The following RBFOX1 variants were observed in gnomAD, a reference collection of about 807,000 sequenced individuals.
RBFOX1 encodes the protein RNA binding protein fox-1 homolog 1.
Under a neutral mutation model 57.7 loss-of-function variants are expected in RBFOX1, and 8 were observed. The ratio of observed to expected loss-of-function variants is 0.14; its 90% CI spans 0.08 to 0.25. RBFOX1 has a LOEUF of 0.25. Ranked by LOEUF, RBFOX1 falls within the 10% of genes least tolerant of loss-of-function variation. The probability of loss-of-function intolerance (pLI) is 1.00; values close to 1 mark genes in which losing one functional copy is unlikely to be tolerated. For missense variants in RBFOX1, 611 were observed against 548.5 expected, an observed-to-expected ratio of 1.11 and a Z score of -1.14; for synonymous variants, 326 against 222.4, an observed-to-expected ratio of 1.47 and a Z score of -4.15.
intron 3 of RBFOX1, among the ~76,000 whole-genome samples, chr16:6,815,615 T>G (rs1257277433): frequency 2.6e-5 from 4 of 152,188 alleles, no homozygotes; most frequent in African/African-American, 9.7e-5. Flanking sequence ...ATGAGTAAAC[T>G]TGAAGCAAAT....
chr16:5,627,122 C>G (rs1403363201), intron 3 of RBFOX1, among the ~76,000 whole-genome samples: 2 of 152,106 alleles, frequency 1.3e-5, no homozygotes, highest in Non-Finnish European at 2.9e-5. Flanking sequence ...TTTCTTTTTA[C>G]TTAAATTAAG....
At chr16:6,745,412 G>C (rs1460518377) in intron 3 of RBFOX1, among the ~76,000 whole-genome samples, 3 of 152,026 alleles carry the variant, frequency 2.0e-5, no homozygotes, top group Non-Finnish European at 4.4e-5. Flanking sequence ...AAAACAACAA[G>C]CAAATGAAAT....
chr16:6,653,210 T>C (rs563624042), intron 2 of RBFOX1, among the ~76,000 whole-genome samples: 1 of 152,288 alleles, frequency 6.6e-6, no homozygotes, highest in South Asian at 2.1e-4. Context: ...CAACATCGTA[T>C]TCCCCTACCC....
intron 4 of RBFOX1, among the ~76,000 whole-genome samples, chr16:7,379,086 T>C (rs1242671860): frequency 6.6e-6 from 1 of 152,244 alleles, no homozygotes; most frequent in African/African-American, 2.4e-5. Flanking sequence ...CTGGGTATGT[T>C]TCTGGCCAGT....
intron 3 of RBFOX1, among the ~76,000 whole-genome samples, chr16:5,749,666 G>C (rs1007042938): frequency 6.6e-6 from 1 of 152,188 alleles, no homozygotes; most frequent in Non-Finnish European, 1.5e-5. Context: ...ATCGGCTGCT[G>C]AAGCTTATGC....
At chr16:7,192,353 AT>A (rs1242014105) in intron 4 of RBFOX1, among the ~76,000 whole-genome samples, 2 of 152,168 alleles carry the variant, frequency 1.3e-5, no homozygotes, top group Admixed American at 6.5e-5. Context: ...GGGGTGAGAA[AT>A]TGGCTGAACT....
chr16:7,443,900 C>T (rs2098789096), intron 4 of RBFOX1, among the ~76,000 whole-genome samples: 1 of 152,188 alleles, frequency 6.6e-6, no homozygotes, highest in Admixed American at 6.5e-5. Context: ...TACAATAGGG[C>T]ACTACTGATT....
At chr16:5,699,992 C>G (rs1309118231) in intron 3 of RBFOX1, among the ~76,000 whole-genome samples, 1 of 152,058 alleles carries the variant, frequency 6.6e-6, no homozygotes, top group East Asian at 1.9e-4. Context: ...GCCACCACGC[C>G]CGGCTAATTT....
At chr16:7,567,691 A>G (rs2092213720) in intron 5 of RBFOX1, among the ~76,000 whole-genome samples, 1 of 142,418 alleles carries the variant, frequency 7.0e-6, no homozygotes, top group African/African-American at 2.6e-5. Flanking sequence ...ATATAGATAT[A>G]TATCCCTATA....
At chr16:6,865,163 T>C (rs1055977964) in intron 3 of RBFOX1, among the ~76,000 whole-genome samples, 32 of 151,800 alleles carry the variant, frequency 2.1e-4, no homozygotes, top group African/African-American at 7.7e-4. Flanking sequence ...CCACCACTCC[T>C]GGGTAATTTT....
At chr16:7,145,988 C>A (rs1016423757) in intron 4 of RBFOX1, among the ~76,000 whole-genome samples, 1 of 152,212 alleles carries the variant, frequency 6.6e-6, no homozygotes, top group Non-Finnish European at 1.5e-5. Context: ...GTCACCCCAT[C>A]TGTGTCCACA....
intron 2 of RBFOX1, among the ~76,000 whole-genome samples, chr16:5,523,391 G>T (rs567692593): frequency 1.3e-5 from 2 of 152,258 alleles, no homozygotes; most frequent in East Asian, 1.9e-4. Flanking sequence ...GAGGCGGTTG[G>T]ATCACTTGAG....
At chr16:6,666,427 C>G (rs1158356815) in intron 3 of RBFOX1, among the ~76,000 whole-genome samples, 1 of 151,012 alleles carries the variant, frequency 6.6e-6, no homozygotes, top group Admixed American at 6.6e-5. Flanking sequence ...CCTAGCCATG[C>G]TATTCGGGAA....
At chr16:6,436,176 G>A (rs1431396387) in intron 2 of RBFOX1, among the ~76,000 whole-genome samples, 1 of 151,996 alleles carries the variant, frequency 6.6e-6, no homozygotes, top group Non-Finnish European at 1.5e-5. Context: ...GCTCAATACA[G>A]TTAAGTAAAT....
intron 4 of RBFOX1, among the ~76,000 whole-genome samples, chr16:7,058,120 C>G (rs2053046561): frequency 6.6e-6 from 1 of 151,938 alleles, no homozygotes; most frequent in African/African-American, 2.4e-5. Flanking sequence ...CCACCAACTG[C>G]TAGCTCTGTA....
chr16:7,247,008 A>G (rs1001063708), intron 4 of RBFOX1, among the ~76,000 whole-genome samples: 17 of 152,102 alleles, frequency 1.1e-4, no homozygotes, highest in African/African-American at 4.1e-4. Context: ...AGCAATCACA[A>G]ATCTAATTGG....
chr16:5,983,275 G>A (rs991579589), intron 4 of RBFOX1, among the ~76,000 whole-genome samples: 6 of 152,242 alleles, frequency 3.9e-5, no homozygotes, highest in Admixed American at 3.9e-4. Flanking sequence ...TAATTAGGGA[G>A]GGTGGCACTT....
At chr16:6,252,593 C>T (rs62015146) in intron 1 of RBFOX1, among the ~76,000 whole-genome samples, 9,586 of 147,790 alleles carry the variant, frequency 0.065, 377 homozygotes, top group Middle Eastern at 0.14. Context: ...GATCTGCTTT[C>T]GTTTCCATGC....
At chr16:5,818,473 T>C (rs557411224) in intron 3 of RBFOX1, among the ~76,000 whole-genome samples, 1 of 152,320 alleles carries the variant, frequency 6.6e-6, no homozygotes, top group Admixed American at 6.5e-5. Context: ...AATAAGTTTT[T>C]TGAGCACCAG....
Sources: allele counts gnomAD v4.1 joint callset (sites outside exome capture counted in the v4.1 genomes callset), GRCh38; gene constraint gnomAD v4.1.1; transcripts MANE v1.5; gene names NCBI Gene and HGNC (gene_info 2026-07-23, HGNC 2026-07-21).